Variants in BRD4 observed in about 807,000 individuals in gnomAD.
The protein encoded by BRD4 is bromodomain-containing protein 4.
Under a neutral mutation model 142.1 loss-of-function variants are expected in BRD4, and 16 were observed. The ratio of observed to expected loss-of-function variants is 0.11; its 90% CI spans 0.08 to 0.17. The LOEUF is 0.17. Among genes scored for constraint, BRD4 ranks in the 10% least tolerant of loss-of-function variants. The pLI is 1.00. For synonymous variants in BRD4, 833 were observed against 707.5 expected, an observed-to-expected ratio of 1.18 and a Z score of -2.82; for missense variants, 1,424 against 1,810.9, an observed-to-expected ratio of 0.79 and a Z score of 3.88.
rs2047196775 is a variant in BRD4 at position 15,236,999 on chromosome 19, G to A, written c.*1378C>T. The A allele has an allele frequency of 4.9e-6, 1 of 204,664 alleles. No homozygotes were observed. Among genetic ancestry groups the A allele is most frequent in the Admixed American group, 6.1e-5 (1 of 16,492 alleles). The allele number at this position is 204,664 out of a possible 1,614,324, so 12.7% of individuals were successfully genotyped here. ...TCATGGCACGCGTAACCTCACCAGG[G>A]GCTCCAATTATAAAAATTAAAAAAA... On this transcript the variant is annotated 3_prime_UTR_variant, in exon 20 of 20. Transcript: ENST00000679869.
chr19:15,244,111 C>T (rs2047263000), intron 13 of BRD4, 120 bp downstream of exon 13: 13 of 1,516,356 alleles, frequency 8.6e-6, no homozygotes, highest in Non-Finnish European at 1.1e-5. Flanking sequence ...CACAGATCTT[C>T]CCTCTAGAGA....
intron 11 of BRD4, chr19:15,245,088 T>C (rs2047273821): frequency 2.3e-6 from 1 of 438,986 alleles, no homozygotes; most frequent in Non-Finnish European, 4.2e-6. Context: ...AGTCACTCAC[T>C]ATAGTGACTG....
chr19:15,309,954 C>A (rs1414256415), intron 1 of BRD4, among the ~76,000 whole-genome samples: 1 of 152,152 alleles, frequency 6.6e-6, no homozygotes, highest in Non-Finnish European at 1.5e-5. Flanking sequence ...GGGCTCCTCT[C>A]ACCTGTTCTC....
At chr19:15,256,010 G>A in intron 9 of BRD4, 54 bp downstream of exon 9, 1 of 1,601,868 alleles carries the variant, frequency 6.2e-7, no homozygotes, top group Non-Finnish European at 8.5e-7. Context: ...CACAGTCTCA[G>A]AGCAAGCCCT....
chr19:15,253,405 C>T, intron 11 of BRD4: 3 of 700,058 alleles, frequency 4.3e-6, no homozygotes, highest in Non-Finnish European at 7.1e-6. Flanking sequence ...TACCTGCCTC[C>T]ACCTCCCACT....
At chr19:15,276,833 T>G (rs1455685592) in intron 1 of BRD4, among the ~76,000 whole-genome samples, 2 of 152,116 alleles carry the variant, frequency 1.3e-5, no homozygotes, top group South Asian at 2.1e-4. Flanking sequence ...CCCGAGTGAT[T>G]AGGCAATACA....
At chr19:15,295,798 C>CT (rs1285726027) in intron 1 of BRD4, among the ~76,000 whole-genome samples, 1 of 152,156 alleles carries the variant, frequency 6.6e-6, no homozygotes, top group Admixed American at 6.5e-5. Flanking sequence ...TAGTGAAACT[C>CT]TGTCTCTACT....
At chr19:15,245,415 G>A (rs2047277113) in intron 11 of BRD4, among the ~76,000 whole-genome samples, 1 of 152,148 alleles carries the variant, frequency 6.6e-6, no homozygotes. Flanking sequence ...GGCCTCCTGG[G>A]AATGACCAGC....
At chr19:15,301,819 G>C (rs2047870357) in intron 1 of BRD4, among the ~76,000 whole-genome samples, 1 of 138,286 alleles carries the variant, frequency 7.2e-6, no homozygotes, top group Non-Finnish European at 1.5e-5. Context: ...CGAAGACTGT[G>C]CCACTGCACT....
rs903361056 is a variant in BRD4, at chr19:15,253,919, C to T, written c.2158+233G>A. On this transcript the variant is annotated intron_variant, in intron 11 of 19. Coordinates refer to ENST00000679869, the MANE Select transcript of BRD4 (RefSeq NM_001379291.1). ...TGGCCATTCATCCTCCATGACCAGA[C>T]CCTGGCAGGGAGAGCATAACGGCCA... The T allele has an allele frequency of 7.4e-6, 6 of 807,600 alleles. No individual in the cohort carries two copies. The East Asian group carries it at 8.0e-5, about 11-fold the overall frequency. 50.0% of individuals were successfully genotyped at this position (807,600 alleles called of 1,614,324 possible). A position where few individuals can be genotyped will look rare whatever the true frequency, so the allele number is the denominator to read the frequency against.
intron 1 of BRD4, among the ~76,000 whole-genome samples, chr19:15,297,482 G>A (rs1252502459): frequency 6.6e-6 from 1 of 152,094 alleles, no homozygotes; most frequent in Non-Finnish European, 1.5e-5. Context: ...TTTTAAAATC[G>A]CCTTGGGGTA....
At chr19:15,267,391 T>G (rs1266157298) in intron 4 of BRD4, 25 bp downstream of exon 4, 1 of 1,608,950 alleles carries the variant, frequency 6.2e-7, no homozygotes. Context: ...AGAAAGCCAA[T>G]TTACTTGCTA....
chr19:15,328,727 G>A (rs552083294), intron 1 of BRD4, among the ~76,000 whole-genome samples: 2 of 152,266 alleles, frequency 1.3e-5, no homozygotes, highest in African/African-American at 2.4e-5. Flanking sequence ...AATAAAACAG[G>A]CAAAGCCAAG....
At chr19:15,269,439 T>G (rs757140355) in intron 2 of BRD4, among the ~76,000 whole-genome samples, 1 of 152,208 alleles carries the variant, frequency 6.6e-6, no homozygotes, top group African/African-American at 2.4e-5. Context: ...AGGTCCTACT[T>G]GTCCCATTTG....
intron 1 of BRD4, among the ~76,000 whole-genome samples, chr19:15,310,636 G>A (rs2047961876): frequency 6.6e-6 from 1 of 151,858 alleles, no homozygotes; most frequent in Non-Finnish European, 1.5e-5. Flanking sequence ...TGGGATTACA[G>A]GCGTGAGCCA....
At chr19:15,250,298 T>A (rs1258030560) in intron 11 of BRD4, among the ~76,000 whole-genome samples, 4 of 151,814 alleles carry the variant, frequency 2.6e-5, no homozygotes, top group Non-Finnish European at 4.4e-5. Flanking sequence ...CTCTTCCTAC[T>A]CCCCCACCTC....
chr19:15,309,150 G>A (rs577598413), intron 1 of BRD4, among the ~76,000 whole-genome samples: 8 of 151,596 alleles, frequency 5.3e-5, no homozygotes, highest in Admixed American at 2.0e-4. Context: ...TGGCTAACAC[G>A]GCGAAACCCC....
At chr19:15,248,245 C>T in intron 11 of BRD4, 1 of 218,594 alleles carries the variant, frequency 4.6e-6, no homozygotes, top group Non-Finnish European at 9.2e-6. Context: ...TCTGGGAGGG[C>T]TTGGATGATG....
chr19:15,277,181 G>C (rs2047656573), intron 1 of BRD4, among the ~76,000 whole-genome samples: 1 of 152,218 alleles, frequency 6.6e-6, no homozygotes, highest in Admixed American at 6.5e-5. Context: ...CAAGGAAAAG[G>C]AAAAGAATTT....
Sources: allele counts gnomAD v4.1 joint callset (sites outside exome capture counted in the v4.1 genomes callset), GRCh38; gene constraint gnomAD v4.1.1; transcripts MANE v1.5; gene names NCBI Gene and HGNC (gene_info 2026-07-23, HGNC 2026-07-21).